DLGAP2: variants seen among roughly 807,000 people sequenced by gnomAD.
DLGAP2 encodes the protein DLG associated protein 2.
Under a neutral mutation model 100.3 loss-of-function variants are expected in DLGAP2, and 26 were observed. The observed-to-expected ratio is 0.26, with a 90% CI of 0.19 to 0.36. DLGAP2 has a LOEUF of 0.36. Ranked by LOEUF, DLGAP2 falls within the 10% of genes least tolerant of loss-of-function variation. The probability of loss-of-function intolerance (pLI) is 1.00; values close to 1 mark genes in which losing one functional copy is unlikely to be tolerated. For synonymous variants in DLGAP2, 886 were observed against 630.1 expected (o/e 1.41, Z -6.08); for missense variants, 1,858 against 1,453.2 (o/e 1.28, Z -4.53).
intron 2 of DLGAP2, among the ~76,000 whole-genome samples, chr8:1,018,604 TAA>T (rs1801539733): frequency 6.6e-6 from 1 of 152,224 alleles, no homozygotes; most frequent in East Asian, 1.9e-4. Flanking sequence ...TGGCAGAAAT[TAA>T]AGTTTATCTG....
At chr8:1,460,633 G>A (rs545116321) in intron 3 of DLGAP2, among the ~76,000 whole-genome samples, 70 of 152,226 alleles carry the variant, frequency 4.6e-4, no homozygotes, top group African/African-American at 1.6e-3. Flanking sequence ...CTTTTTTGCA[G>A]GAAGACAGAT....
intron 3 of DLGAP2, among the ~76,000 whole-genome samples, chr8:1,408,654 A>G (rs187009521): frequency 1.3e-5 from 2 of 152,136 alleles, no homozygotes; most frequent in South Asian, 2.1e-4. Flanking sequence ...TTGAAAATGT[A>G]TCTTGGATGT....
intron 2 of DLGAP2, among the ~76,000 whole-genome samples, chr8:1,150,298 CT>C (rs1334895406): frequency 3.9e-5 from 6 of 152,260 alleles, no homozygotes; most frequent in African/African-American, 9.6e-5. Context: ...TGTCATTACA[CT>C]GTCTTCTGCC....
chr8:1,321,096 C>T (rs1256082228), intron 3 of DLGAP2, among the ~76,000 whole-genome samples: 1 of 151,318 alleles, frequency 6.6e-6, no homozygotes, highest in Non-Finnish European at 1.5e-5. Context: ...TGTGCGCATG[C>T]ATCCATGTGC....
intron 1 of DLGAP2, among the ~76,000 whole-genome samples, chr8:872,740 T>C (rs1019341736): frequency 6.6e-6 from 1 of 152,196 alleles, no homozygotes; most frequent in Non-Finnish European, 1.5e-5. Context: ...AAGAGGTACA[T>C]GCAACTATCA....
chr8:899,199 T>C (rs1238814882), intron 1 of DLGAP2, among the ~76,000 whole-genome samples: 1 of 152,216 alleles, frequency 6.6e-6, no homozygotes, highest in South Asian at 2.1e-4. Context: ...CCATAGTGCG[T>C]TCCACATGGG....
chr8:986,265 C>T (rs1297124294), intron 2 of DLGAP2, among the ~76,000 whole-genome samples: 1 of 152,178 alleles, frequency 6.6e-6, no homozygotes, highest in Non-Finnish European at 1.5e-5. Flanking sequence ...TGTTGAGCTG[C>T]ATGGCTTCTG....
intron 12 of DLGAP2, among the ~76,000 whole-genome samples, chr8:1,689,175 G>A (rs1319156906): frequency 6.6e-6 from 1 of 152,234 alleles, no homozygotes; most frequent in Admixed American, 6.5e-5. Context: ...TGGAAAGGCT[G>A]TCTAGGCTTC....
At chr8:1,216,575 A>G (rs147364150) in intron 2 of DLGAP2, among the ~76,000 whole-genome samples, 75 of 151,940 alleles carry the variant, frequency 4.9e-4, no homozygotes, top group African/African-American at 1.5e-3. Context: ...AGCTCAAGCA[A>G]TCCTCCCACC....
intron 3 of DLGAP2, among the ~76,000 whole-genome samples, chr8:1,454,268 G>A (rs552035206): frequency 6.6e-6 from 1 of 152,320 alleles, no homozygotes; most frequent in South Asian, 2.1e-4. Context: ...TTGGGAGGTG[G>A]CCGAGTTCCA....
Position 1,549,359 on chromosome 8 carries a change from C to G in DLGAP2, c.906C>G (p.Asn302Lys). The change falls in exon 5 of 15, where the codon AAC (asparagine) becomes AAG (lysine). Residue 302 changes from asparagine (N) to lysine (K), a missense_variant. Physicochemically the swap from Asn to Lys is moderately conservative, Grantham distance 94. Coordinates refer to ENST00000637795, the MANE Select transcript of DLGAP2 (RefSeq NM_001346810.2). ...GMSSWWSSDD[N>K]LDSDSTYRTP... ...GCAGCTGGTGGAGCTCGGACGACAA[C>G]CTGGACAGCGACAGCACCTATCGGA... The G allele has an allele frequency of 1.9e-6, 3 of 1,613,460 alleles. No individual in the cohort carries two copies. The highest frequency in any genetic ancestry group is 2.5e-6 in the Non-Finnish European group (3 of 1,179,796).
chr8:1,027,382 T>C (rs552959002), intron 2 of DLGAP2, among the ~76,000 whole-genome samples: 28 of 133,376 alleles, frequency 2.1e-4, no homozygotes, highest in East Asian at 4.9e-4. Flanking sequence ...GGTGGGGTGC[T>C]TGGTGCCCGT....
intron 6 of DLGAP2, among the ~76,000 whole-genome samples, chr8:1,603,469 G>A (rs58106326): frequency 6.7e-6 from 1 of 148,490 alleles, no homozygotes; most frequent in South Asian, 2.2e-4. Flanking sequence ...TCTCAGTTCT[G>A]TAGAGGCTGG....
intron 2 of DLGAP2, among the ~76,000 whole-genome samples, chr8:984,078 T>C (rs1800418714): frequency 6.6e-6 from 1 of 152,180 alleles, no homozygotes; most frequent in Non-Finnish European, 1.5e-5. Flanking sequence ...CATGTGTAGC[T>C]TTTGGGCACC....
chr8:1,367,109 A>G (rs935320797), intron 3 of DLGAP2, among the ~76,000 whole-genome samples: 2 of 152,006 alleles, frequency 1.3e-5, no homozygotes, highest in Admixed American at 6.6e-5. Context: ...ACACATGCAC[A>G]TGACCACAGA....
chr8:1,465,535 T>G (rs770062990), intron 3 of DLGAP2, among the ~76,000 whole-genome samples: 38 of 151,998 alleles, frequency 2.5e-4, no homozygotes, highest in Admixed American at 5.2e-4. Context: ...GGTGAAGAGA[T>G]GAGCAAGGGA....
chr8:1,112,065 C>T (rs1488787129), intron 2 of DLGAP2, among the ~76,000 whole-genome samples: 1 of 152,186 alleles, frequency 6.6e-6, no homozygotes, highest in East Asian at 1.9e-4. Flanking sequence ...ACCTCACCAG[C>T]ATCCGTTATT....
rs181265333 is a variant in DLGAP2, at chr8:1,054,277, C to G, written c.73+146311C>G. On this transcript the variant is annotated intron_variant, in intron 2 of 14. Coordinates refer to ENST00000637795, the MANE Select transcript of DLGAP2 (RefSeq NM_001346810.2). ...ACACACACGCACACACACGGACACA[C>G]ACGCACACACACACACCATCCATGC... Among the ~76,000 whole-genome samples, 142 of 152,216 alleles carry G rather than the reference C, an allele frequency of 9.3e-4. 1 individual carries two copies. The highest frequency in any genetic ancestry group is 3.2e-4 in the Non-Finnish European group (22 of 68,014).
At chr8:788,168 G>A (rs1253294705) in intron 1 of DLGAP2, among the ~76,000 whole-genome samples, 1 of 152,242 alleles carries the variant, frequency 6.6e-6, no homozygotes, top group Non-Finnish European at 1.5e-5. Flanking sequence ...GATGGGTGAA[G>A]GATGAAGCTG....
Sources: allele counts gnomAD v4.1 joint callset (sites outside exome capture counted in the v4.1 genomes callset), GRCh38; gene constraint gnomAD v4.1.1; transcripts MANE v1.5; gene names NCBI Gene and HGNC (gene_info 2026-07-23, HGNC 2026-07-21).